ABCB5: variants seen among roughly 807,000 people sequenced by gnomAD.
The protein encoded by ABCB5 is ATP-binding cassette sub-family B member 5.
ABCB5 carries 155 observed loss-of-function variants against 144.2 expected under a neutral mutation model. The ratio of observed to expected loss-of-function variants is 1.08; its 90% CI spans 0.94 to 1.23. ABCB5 has a LOEUF of 1.23. Ranked by LOEUF, ABCB5 falls within the 50% of genes most tolerant of loss-of-function variation. ABCB5 has a pLI of 0.00. For synonymous variants in ABCB5, 610 were observed against 528.6 expected, an observed-to-expected ratio of 1.15 and a Z score of -2.11; for missense variants, 1,830 against 1,520.8, an observed-to-expected ratio of 1.20 and a Z score of -3.38.
chr7:20,619,810 G>C (rs1000662955), intron 1 of ABCB5, among the ~76,000 whole-genome samples: 1 of 152,136 alleles, frequency 6.6e-6, no homozygotes, highest in Admixed American at 6.5e-5. Context: ...ATAGTTTCAG[G>C]TTTTACATTT....
intron 9 of ABCB5, among the ~76,000 whole-genome samples, chr7:20,646,685 CTT>C (rs1464587746): frequency 6.6e-6 from 1 of 152,188 alleles, no homozygotes; most frequent in Non-Finnish European, 1.5e-5. Flanking sequence ...CAGTTATCCT[CTT>C]AAGTTACAAT....
intron 5 of ABCB5, among the ~76,000 whole-genome samples, chr7:20,637,782 T>C (rs1426309077): frequency 3.9e-5 from 6 of 152,174 alleles, no homozygotes; most frequent in African/African-American, 1.2e-4. Flanking sequence ...CTACTTCTAA[T>C]GTATCTAGCA....
At chr7:20,661,878 C>A (rs73684691) in intron 14 of ABCB5, among the ~76,000 whole-genome samples, 7,737 of 152,084 alleles carry the variant, frequency 0.051, 558 homozygotes, top group African/African-American at 0.16. Context: ...AGAATAACTA[C>A]AAACTAGTTT....
chr7:20,717,697 A>G (rs1173226126), intron 20 of ABCB5, among the ~76,000 whole-genome samples: 1 of 151,662 alleles, frequency 6.6e-6, no homozygotes, highest in Admixed American at 6.6e-5. Flanking sequence ...TCGGCCTCCC[A>G]AAGTGCTGGG....
chr7:20,715,210 AT>A (rs1222920547), intron 20 of ABCB5, among the ~76,000 whole-genome samples: 1 of 151,496 alleles, frequency 6.6e-6, no homozygotes, highest in Non-Finnish European at 1.5e-5. Flanking sequence ...TGCCCAGTTA[AT>A]TTTTTTGTAT....
chr7:20,660,335 T>C (rs1784964459), intron 14 of ABCB5: 3 of 985,234 alleles, frequency 3.0e-6, no homozygotes, highest in South Asian at 9.4e-5. Flanking sequence ...CAAAAATTCA[T>C]TTACTGTCCC....
chr7:20,685,743 T>C lies in ABCB5; in HGVS notation c.1917T>C (p.Thr639=). 1 of 1,613,294 alleles carries C rather than the reference T, an allele frequency of 6.2e-7. No individual in the cohort carries two copies. Among genetic ancestry groups the C allele is most frequent in the Non-Finnish European group, 8.5e-7 (1 of 1,179,386 alleles). The change falls in exon 16 of 28, where the codon ACT becomes ACC. Residue 639 remains threonine, a synonymous_variant. Coordinates refer to ENST00000404938, the MANE Select transcript of ABCB5 (RefSeq NM_001163941.2). ...DEQMESMTYS[T]ERKTNSLPLH... ...AGATGGAGTCAATGACATATTCTAC[T>C]GAAAGAAAGACCAACTCACTTCCTC...
intron 26 of ABCB5, among the ~76,000 whole-genome samples, chr7:20,749,501 G>C (rs1236109244): frequency 7.3e-6 from 1 of 136,866 alleles, no homozygotes; most frequent in Non-Finnish European, 1.5e-5. Context: ...GCTTCCCAAA[G>C]ACACTGTGTC....
At chr7:20,647,714 A>G in intron 10 of ABCB5, 66 bp downstream of exon 10, 1 of 1,525,374 alleles carries the variant, frequency 6.6e-7, no homozygotes, top group Non-Finnish European at 8.8e-7. Flanking sequence ...AAAAACATAC[A>G]CCCTCATTTT....
chr7:20,632,112 C>A lies in ABCB5; in HGVS notation c.313C>A (p.Leu105Met). The A allele has an allele frequency of 6.6e-7, 1 of 1,513,286 alleles. No individual in the cohort carries two copies. Among genetic ancestry groups the A allele is most frequent in the Non-Finnish European group, 8.9e-7 (1 of 1,128,132 alleles). 93.7% of individuals were successfully genotyped at this position (1,513,286 alleles called of 1,614,324 possible). ...AGAGAAGCTGAATGAAGATATGACT[C>A]TGTAAGTCCAAATGAAACGTTAATA... is the stretch of plus-strand genomic sequence containing the variant. ...SQEKLNEDMT[L>M]LTLYYVGIGV... Residue 105 changes from leucine to methionine, a missense_variant and splice_region_variant, in exon 5 of 28, where the codon CTG (leucine) becomes ATG (methionine). Transcript: ENST00000404938.
chr7:20,742,076 T>C (rs1221563948), intron 24 of ABCB5, among the ~76,000 whole-genome samples: 2 of 152,144 alleles, frequency 1.3e-5, no homozygotes, highest in Admixed American at 1.3e-4. Context: ...TAATGGTCAA[T>C]TGAAAATAAA....
intron 16 of ABCB5, among the ~76,000 whole-genome samples, chr7:20,698,128 A>C (rs1334922841): frequency 6.6e-6 from 1 of 152,348 alleles, no homozygotes; most frequent in East Asian, 1.9e-4. Flanking sequence ...CTTAACAATT[A>C]CATGTGAGTT....
chr7:20,744,466 C>T (rs1046912974), intron 25 of ABCB5, among the ~76,000 whole-genome samples: 2 of 152,070 alleles, frequency 1.3e-5, no homozygotes, highest in African/African-American at 4.8e-5. Flanking sequence ...CTTGTACAAC[C>T]CCCTTCTCAT....
chr7:20,628,686 A>C lies in ABCB5; in HGVS notation c.109-2A>C, dbSNP rs1188374718. ...GGTGCTACCGTGCTTTGTTTTCCTCAGTTCCGCTTTGCTGATGGACTGGAC... is the reference window on the plus strand; with the variant it reads ...GGTGCTACCGTGCTTTGTTTTCCTCCGTTCCGCTTTGCTGATGGACTGGAC... On this transcript the variant is annotated splice_acceptor_variant, in intron 3 of 27. Coordinates refer to ENST00000404938, the MANE Select transcript of ABCB5 (RefSeq NM_001163941.2). LOFTEE classifies it high-confidence loss of function. 1.2e-6 allele frequency: 2 copies of C among 1,611,156 alleles called. No individual in the cohort carries two copies. The highest frequency in any genetic ancestry group is 1.7e-5 in the Admixed American group (1 of 59,650).
rs73265730 is a variant in ABCB5, at chr7:20,751,494, T to A, written c.3430-1866T>A. Among the ~76,000 whole-genome samples the A allele has an allele frequency of 5.5e-3, 834 of 152,018 alleles. 7 individuals are homozygous for A. Among genetic ancestry groups the A allele is most frequent in the African/African-American group, 0.019 (789 of 41,498 alleles). ...AAAAAATAAATAAATAAATAAAATT[T>A]AAAAAAATTAAAAAACCTTCATCCA... On this transcript the variant is annotated intron_variant, in intron 26 of 27. Transcript: ENST00000404938.
intron 2 of ABCB5, among the ~76,000 whole-genome samples, chr7:20,625,657 A>G (rs565750918): frequency 1.4e-4 from 21 of 152,328 alleles, no homozygotes; most frequent in Non-Finnish European, 1.0e-4. Flanking sequence ...GGAATGAACA[A>G]GTGTTGGTGA....
chr7:20,723,527 A>G (rs1363560343), intron 21 of ABCB5, among the ~76,000 whole-genome samples: 1 of 152,228 alleles, frequency 6.6e-6, no homozygotes, highest in Non-Finnish European at 1.5e-5. Context: ...ACCTTTGTAG[A>G]CTTCAGGTTT....
chr7:20,619,842 T>A (rs1783771227), intron 1 of ABCB5, among the ~76,000 whole-genome samples: 1 of 152,246 alleles, frequency 6.6e-6, no homozygotes, highest in African/African-American at 2.4e-5. Flanking sequence ...CAATCTTGAG[T>A]TAATTTTTAT....
At chr7:20,714,303 A>G (rs999136486) in intron 20 of ABCB5, among the ~76,000 whole-genome samples, 2 of 152,108 alleles carry the variant, frequency 1.3e-5, no homozygotes, top group Non-Finnish European at 2.9e-5. Context: ...ACACTCCATA[A>G]ATAACTTATC....
Sources: allele counts gnomAD v4.1 joint callset (sites outside exome capture counted in the v4.1 genomes callset), GRCh38; gene constraint gnomAD v4.1.1; transcripts MANE v1.5; gene names NCBI Gene and HGNC (gene_info 2026-07-23, HGNC 2026-07-21).